The following GRXCR2 variants were observed in gnomAD, a reference collection of about 807,000 sequenced individuals.
GRXCR2 encodes glutaredoxin and cysteine rich domain containing 2.
GRXCR2 carries 23 observed loss-of-function variants against 24.8 expected under a neutral mutation model. That is an observed-to-expected ratio of 0.93 (90% CI 0.67 to 1.32). GRXCR2 has a LOEUF of 1.32. Among genes scored for constraint, GRXCR2 ranks in the 40% most tolerant of loss-of-function variants. The probability of loss-of-function intolerance (pLI) is 0.00; values close to 1 mark genes in which losing one functional copy is unlikely to be tolerated. For missense variants in GRXCR2, 315 were observed against 303.4 expected, an observed-to-expected ratio of 1.04 and a Z score of -0.28; for synonymous variants, 130 against 116.1, an observed-to-expected ratio of 1.12 and a Z score of -0.77.
At chr5:145,874,053 G>GA (rs1180686329), upstream of GRXCR2, among the ~76,000 whole-genome samples, 1 of 152,172 alleles carries the variant, frequency 6.6e-6, no homozygotes, top group Non-Finnish European at 1.5e-5. Flanking sequence ...GGGCTGGGTA[G>GA]AAAATGGTAG....
At chr5:145,899,756 T>G (rs1757000638) in intron 2 of GRXCR2, among the ~76,000 whole-genome samples, 1 of 152,050 alleles carries the variant, frequency 6.6e-6, no homozygotes, top group Non-Finnish European at 1.5e-5. Context: ...TATACAAAAA[T>G]TAACTCAAGA....
chr5:145,919,882 A>G (rs1332390041), intron 2 of GRXCR2, among the ~76,000 whole-genome samples: 1 of 152,172 alleles, frequency 6.6e-6, no homozygotes, highest in African/African-American at 2.4e-5. Flanking sequence ...CATGTCCTCA[A>G]CACATAGTAC....
At chr5:145,908,525 A>G (rs1757120533) in intron 2 of GRXCR2, among the ~76,000 whole-genome samples, 1 of 152,212 alleles carries the variant, frequency 6.6e-6, no homozygotes, top group African/African-American at 2.4e-5. Context: ...AACTATGAAT[A>G]TGGAGGGATC....
chr5:145,908,850 C>T (rs1401720734), intron 2 of GRXCR2, among the ~76,000 whole-genome samples: 1 of 152,124 alleles, frequency 6.6e-6, no homozygotes, highest in East Asian at 1.9e-4. Flanking sequence ...GTAGTAATGA[C>T]AGAGCTAAAA....
chr5:145,896,371 G>T (rs1256184498), intron 2 of GRXCR2, among the ~76,000 whole-genome samples: 1 of 152,126 alleles, frequency 6.6e-6, no homozygotes, highest in African/African-American at 2.4e-5. Context: ...GAAAATTTTT[G>T]CAATCTACTC....
chr5:145,882,151 A>C (rs1756711968), intron 2 of GRXCR2, among the ~76,000 whole-genome samples: 1 of 152,248 alleles, frequency 6.6e-6, no homozygotes, highest in Non-Finnish European at 1.5e-5. Context: ...AATGACAACG[A>C]AAGCCAAAAT....
chr5:145,866,162 A>G (rs965845017), intron 2 of GRXCR2, among the ~76,000 whole-genome samples: 2 of 151,812 alleles, frequency 1.3e-5, no homozygotes, highest in African/African-American at 4.8e-5. Flanking sequence ...GAAAGAAAGA[A>G]AAAAGAAAAT....
intron 2 of GRXCR2, among the ~76,000 whole-genome samples, chr5:145,919,880 C>G (rs1215534197): frequency 6.6e-6 from 1 of 152,130 alleles, no homozygotes; most frequent in African/African-American, 2.4e-5. Context: ...AACATGTCCT[C>G]AACACATAGT....
At chr5:145,864,984 A>T (rs1296383340) in intron 2 of GRXCR2, among the ~76,000 whole-genome samples, 1 of 152,192 alleles carries the variant, frequency 6.6e-6, no homozygotes, top group Non-Finnish European at 1.5e-5. Flanking sequence ...GGAAGAGAGA[A>T]AAAAGTAGAT....
intron 2 of GRXCR2, among the ~76,000 whole-genome samples, chr5:145,894,686 C>G (rs963571823): frequency 6.6e-6 from 1 of 152,120 alleles, no homozygotes; most frequent in Non-Finnish European, 1.5e-5. Context: ...GGATTCACAG[C>G]CGAATTCTAC....
chr5:145,896,525 T>C (rs548399545), intron 2 of GRXCR2, among the ~76,000 whole-genome samples: 366 of 152,072 alleles, frequency 2.4e-3, no homozygotes, highest in Non-Finnish European at 4.3e-3. Context: ...AAAAGGCACA[T>C]GAAAAAATGC....
rs760684583 is a variant in GRXCR2 at position 145,866,518 on chromosome 5, G to A, written c.547C>T (p.Gln183Ter). The part of the protein sequence containing the change: ...PLVEAESTLP[Q>*]NRYTQEGDIP... ...CAACGCACCTGTGTATACCGGTTTT[G>A]GGGTAATGTGCTTTCTGCCTCCACC... The change falls in exon 2 of 3, where the codon CAA becomes TAA. Residue 183 changes from glutamine to a stop codon, truncating the protein, a stop_gained. Coordinates refer to ENST00000377976, the MANE Select transcript of GRXCR2 (RefSeq NM_001080516.2). LOFTEE classifies it high-confidence loss of function. 3 of 1,613,688 alleles carry A rather than the reference G, an allele frequency of 1.9e-6. No individual in the cohort carries two copies. In the Admixed American group the frequency reaches 5.0e-5, roughly 27 times the overall value.
At chr5:145,922,765 C>A (rs924213039) in intron 2 of GRXCR2, among the ~76,000 whole-genome samples, 1 of 152,200 alleles carries the variant, frequency 6.6e-6, no homozygotes, top group Non-Finnish European at 1.5e-5. Flanking sequence ...AAACCTTAGT[C>A]TAAAACATAG....
chr5:145,915,889 C>T (rs772134940), intron 2 of GRXCR2, among the ~76,000 whole-genome samples: 2 of 152,196 alleles, frequency 1.3e-5, no homozygotes, highest in Non-Finnish European at 2.9e-5. Context: ...ATAACCTATT[C>T]AGAGCTTTCA....
intron 2 of GRXCR2, among the ~76,000 whole-genome samples, chr5:145,917,769 GCTGAA>G (rs1417768437): frequency 7.9e-5 from 12 of 152,130 alleles, no homozygotes; most frequent in African/African-American, 2.7e-4. Context: ...TGTCTCCATG[GCTGAA>G]CTCTGTTTTG....
intron 2 of GRXCR2, among the ~76,000 whole-genome samples, chr5:145,894,941 T>A (rs1178666344): frequency 6.6e-6 from 1 of 152,106 alleles, no homozygotes; most frequent in African/African-American, 2.4e-5. Context: ...TTCACCATGA[T>A]CAAGTCGTCT....
At chr5:145,876,379 C>T (rs1756619457), upstream of GRXCR2, among the ~76,000 whole-genome samples, 1 of 150,548 alleles carries the variant, frequency 6.6e-6, no homozygotes. Context: ...TGGGCTCAAG[C>T]AATCCTCCCT....
At chr5:145,893,306 CTAAATGCTCCAAT>C (rs1464054155) in intron 2 of GRXCR2, among the ~76,000 whole-genome samples, 1 of 152,074 alleles carries the variant, frequency 6.6e-6, no homozygotes, top group African/African-American at 2.4e-5. Flanking sequence ...TGTAAATGGG[CTAAATGCTCCAAT>C]TAAAAGACAC....
chr5:145,917,526 A>C (rs908572541), intron 2 of GRXCR2, among the ~76,000 whole-genome samples: 1 of 152,174 alleles, frequency 6.6e-6, no homozygotes, highest in Non-Finnish European at 1.5e-5. Flanking sequence ...TCCTGTGCTC[A>C]GTGCTGGACA....
Sources: gnomAD v4.1 joint callset for allele counts (sites outside exome capture counted in the v4.1 genomes callset) on GRCh38, gnomAD v4.1.1 for gene constraint, MANE v1.5 for transcripts, NCBI Gene and HGNC (gene_info 2026-07-23, HGNC 2026-07-21) for gene names.